AGTPBP1: variants seen among roughly 807,000 people sequenced by gnomAD.
The protein encoded by AGTPBP1 is ATP/GTP binding carboxypeptidase 1.
AGTPBP1 carries 70 observed loss-of-function variants against 143.9 expected under a neutral mutation model. The ratio of observed to expected loss-of-function variants is 0.49; its 90% CI spans 0.40 to 0.59. The LOEUF (loss-of-function observed/expected upper bound fraction) is 0.59, where lower values mean the gene tolerates loss of function less well. Among genes scored for constraint, AGTPBP1 ranks in the 20% least tolerant of loss-of-function variants. AGTPBP1 has a pLI of 0.00. For missense variants in AGTPBP1, 1,229 were observed against 1,464.5 expected (o/e 0.84, Z 2.62); for synonymous variants, 463 against 500.2 (o/e 0.93, Z 0.99).
chr9:85,693,357 T>C (rs1836007016), intron 2 of AGTPBP1, among the ~76,000 whole-genome samples: 1 of 152,194 alleles, frequency 6.6e-6, no homozygotes, highest in Admixed American at 6.5e-5. Context: ...ACCCAGCACT[T>C]TGGGAGGCCA....
intron 25 of AGTPBP1, among the ~76,000 whole-genome samples, chr9:85,573,818 C>T (rs1235563356): frequency 7.3e-5 from 11 of 151,306 alleles, no homozygotes; most frequent in African/African-American, 2.7e-4. Flanking sequence ...AGGTGAGGAG[C>T]GTCTCTGCCC....
upstream of AGTPBP1, among the ~76,000 whole-genome samples, chr9:85,742,636 G>C (rs569709207): frequency 1.1e-3 from 168 of 152,268 alleles, 2 homozygotes; most frequent in Admixed American, 4.0e-3. Context: ...TTTTGAAAAA[G>C]TGCCTGCATA....
intron 9 of AGTPBP1, among the ~76,000 whole-genome samples, chr9:85,660,472 A>C (rs1372661628): frequency 2.6e-5 from 4 of 152,154 alleles, no homozygotes; most frequent in African/African-American, 9.7e-5. Flanking sequence ...TAGACTGTAA[A>C]TGTATATTGT....
chr9:85,778,085 G>C, the AGTPBP1 span, among the ~76,000 whole-genome samples: 42 of 152,190 alleles, frequency 2.8e-4, no homozygotes, highest in African/African-American at 9.9e-4. Flanking sequence ...GCAGGGTGGC[G>C]AGTGGAGACC....
intron 1 of AGTPBP1, among the ~76,000 whole-genome samples, chr9:85,725,694 G>A (rs929271595): frequency 5.9e-5 from 9 of 152,044 alleles, no homozygotes; most frequent in Admixed American, 3.3e-4. Flanking sequence ...AGAACTGCTT[G>A]AGCCCAAGAG....
chr9:85,728,768 C>A (rs1332248380), intron 1 of AGTPBP1, among the ~76,000 whole-genome samples: 1 of 150,650 alleles, frequency 6.6e-6, no homozygotes, highest in Non-Finnish European at 1.5e-5. Context: ...CCTCACCTTG[C>A]CAATCAGAAA....
intron 6 of AGTPBP1, among the ~76,000 whole-genome samples, chr9:85,675,398 G>A (rs192028119): frequency 1.2e-3 from 179 of 152,000 alleles, no homozygotes; most frequent in African/African-American, 4.0e-3. Flanking sequence ...TCTTACTGTT[G>A]TAATAACTGG....
chr9:85,665,454 C>T (rs761538401), intron 8 of AGTPBP1, among the ~76,000 whole-genome samples: 4 of 152,148 alleles, frequency 2.6e-5, no homozygotes, highest in Non-Finnish European at 5.9e-5. Context: ...AACTATAAAA[C>T]AATAAATTTC....
At chr9:85,661,469 TA>T (rs1833853253) in intron 8 of AGTPBP1, among the ~76,000 whole-genome samples, 2 of 152,084 alleles carry the variant, frequency 1.3e-5, no homozygotes. Context: ...AAGGCCATAA[TA>T]AAGGTAAAAT....
At chr9:85,743,867 A>G (rs1805507916), upstream of AGTPBP1, among the ~76,000 whole-genome samples, 1 of 151,366 alleles carries the variant, frequency 6.6e-6, no homozygotes, top group African/African-American at 2.4e-5. Context: ...CGAGAACCTC[A>G]GCCTCCAAAA....
At chr9:85,633,881 T>A in intron 13 of AGTPBP1, among the ~76,000 whole-genome samples, 2 of 144,848 alleles carry the variant, frequency 1.4e-5, no homozygotes. Flanking sequence ...AGGGTAAAGC[T>A]CTACAGAAAA....
At chr9:85,611,195 C>A (rs1830297192) in intron 17 of AGTPBP1, among the ~76,000 whole-genome samples, 1 of 139,676 alleles carries the variant, frequency 7.2e-6, no homozygotes, top group Non-Finnish European at 1.5e-5. Context: ...TTTTGGATTC[C>A]ACAGCTAAAA....
upstream of AGTPBP1, among the ~76,000 whole-genome samples, chr9:85,742,719 G>A (rs1824445580): frequency 6.6e-6 from 1 of 152,222 alleles, no homozygotes; most frequent in African/African-American, 2.4e-5. Flanking sequence ...AAAGTAATGT[G>A]TCAGAGAAAT....
intron 23 of AGTPBP1, among the ~76,000 whole-genome samples, chr9:85,582,493 A>G (rs1828331538): frequency 6.6e-6 from 1 of 152,156 alleles, no homozygotes; most frequent in South Asian, 2.1e-4. Context: ...CCTGGCCAAC[A>G]TGGTGAAACC....
intron 17 of AGTPBP1, among the ~76,000 whole-genome samples, chr9:85,615,058 C>A (rs995824905): frequency 1.1e-4 from 16 of 152,054 alleles, no homozygotes; most frequent in African/African-American, 3.6e-4. Flanking sequence ...AATTCATCAA[C>A]GACACTTTAA....
the AGTPBP1 span, among the ~76,000 whole-genome samples, chr9:85,774,488 T>A: frequency 2.6e-5 from 4 of 152,218 alleles, no homozygotes; most frequent in Non-Finnish European, 5.9e-5. Context: ...TATAAAATTT[T>A]ATGCATTAAA....
chr9:85,728,526 T>C (rs940084373), intron 1 of AGTPBP1, among the ~76,000 whole-genome samples: 2 of 152,176 alleles, frequency 1.3e-5, no homozygotes, highest in Non-Finnish European at 2.9e-5. Flanking sequence ...TCTTAAGTTT[T>C]TTCTTACTTA....
chr9:85,677,442 G>C lies in AGTPBP1; in HGVS notation c.430C>G (p.Pro144Ala), dbSNP rs747428794. 6.2e-7 allele frequency: 1 copy of C among 1,605,330 alleles called. No individual in the cohort carries two copies. The highest frequency in any genetic ancestry group is 8.5e-7 in the Non-Finnish European group (1 of 1,176,378). ...QIHSILAKIG[P>A]KDKKFGVKAR... Reference sequence around the variant, plus strand: ...TACAAATGAAATCCCTTACCTTTTGGTCCAATCTTTGCAAGAATAGAATGA... The same window carrying C: ...TACAAATGAAATCCCTTACCTTTTGCTCCAATCTTTGCAAGAATAGAATGA... Residue 144 changes from proline to alanine, a missense_variant, in exon 6 of 26, where the codon CCA becomes GCA. Transcript: ENST00000357081.
chr9:85,695,371 A>G (rs1320661975), intron 2 of AGTPBP1, among the ~76,000 whole-genome samples: 1 of 151,448 alleles, frequency 6.6e-6, no homozygotes, highest in Non-Finnish European at 1.5e-5. Context: ...ACTGAGCTTT[A>G]AAAAAAAATG....
Sources: gnomAD v4.1 joint callset for allele counts (sites outside exome capture counted in the v4.1 genomes callset) on GRCh38, gnomAD v4.1.1 for gene constraint, MANE v1.5 for transcripts, NCBI Gene and HGNC (gene_info 2026-07-23, HGNC 2026-07-21) for gene names.